The following RBFOX1 variants were observed in gnomAD, a reference collection of about 807,000 sequenced individuals.
The protein encoded by RBFOX1 is RNA binding protein fox-1 homolog 1.
A neutral mutation model predicts 57.7 loss-of-function variants in RBFOX1; 8 were observed. That is an observed-to-expected ratio of 0.14 (90% CI 0.08 to 0.25). The LOEUF (loss-of-function observed/expected upper bound fraction) is 0.25. Ranked by LOEUF, RBFOX1 falls within the 10% of genes least tolerant of loss-of-function variation. RBFOX1 has a pLI of 1.00. For synonymous variants in RBFOX1, 326 were observed against 222.4 expected, an observed-to-expected ratio of 1.47 and a Z score of -4.15; for missense variants, 611 against 548.5, an observed-to-expected ratio of 1.11 and a Z score of -1.14.
intron 3 of RBFOX1, among the ~76,000 whole-genome samples, chr16:5,694,687 G>T (rs1007463574): frequency 1.7e-4 from 26 of 151,910 alleles, no homozygotes; most frequent in Admixed American, 1.6e-3. Flanking sequence ...CTCTTAGGGA[G>T]ACTGGCCCTG....
intron 3 of RBFOX1, among the ~76,000 whole-genome samples, chr16:6,724,807 A>G (rs1408863498): frequency 6.6e-6 from 1 of 152,092 alleles, no homozygotes; most frequent in Non-Finnish European, 1.5e-5. Flanking sequence ...AATGTGTACC[A>G]TTGTGATTTG....
In RBFOX1 at chr16:6,627,045, G is replaced by T. The variant is rs145042723; in HGVS notation, c.-63-27558G>T. ...GCCGAAGGCTACCCATCTGCCTTCT[G>T]AAAGAACCAGGGTTCTAGTCCTGGC... On this transcript the variant is annotated intron_variant, in intron 2 of 15. Transcript: ENST00000550418. Among the ~76,000 whole-genome samples the T allele has an allele frequency of 5.6e-3, 854 of 152,322 alleles. 3 individuals are homozygous for T. The highest frequency in any genetic ancestry group is 9.1e-3 in the Non-Finnish European group (621 of 68,018).
At chr16:7,191,477 A>G (rs1461850102) in intron 4 of RBFOX1, among the ~76,000 whole-genome samples, 3 of 152,234 alleles carry the variant, frequency 2.0e-5, no homozygotes, top group East Asian at 1.9e-4. Flanking sequence ...AGTGGAATGT[A>G]AAGATGAAGC....
At chr16:5,559,776 G>C (rs2045824882) in intron 2 of RBFOX1, among the ~76,000 whole-genome samples, 1 of 152,116 alleles carries the variant, frequency 6.6e-6, no homozygotes, top group African/African-American at 2.4e-5. Flanking sequence ...CCCTCATCTT[G>C]CTTTTAACAT....
intron 2 of RBFOX1, among the ~76,000 whole-genome samples, chr16:6,442,660 G>A (rs367761482): frequency 2.0e-5 from 3 of 151,960 alleles, no homozygotes; most frequent in East Asian, 3.9e-4. Flanking sequence ...TGCAGAAGTC[G>A]CCAGAAACAA....
chr16:7,009,641 C>T (rs547156202), intron 3 of RBFOX1, among the ~76,000 whole-genome samples: 44 of 152,188 alleles, frequency 2.9e-4, no homozygotes, highest in African/African-American at 8.9e-4. Flanking sequence ...GGAATTCTAC[C>T]GTCTGGGCAC....
At chr16:6,529,632 A>G (rs2096629218) in intron 2 of RBFOX1, among the ~76,000 whole-genome samples, 1 of 151,910 alleles carries the variant, frequency 6.6e-6, no homozygotes, top group African/African-American at 2.4e-5. Flanking sequence ...GTTTTCACTG[A>G]TAGCACAGCT....
At chr16:7,590,868 A>C (rs1344024274) in intron 7 of RBFOX1, among the ~76,000 whole-genome samples, 3 of 147,462 alleles carry the variant, frequency 2.0e-5, no homozygotes, top group Non-Finnish European at 4.6e-5. Context: ...TCTAAGAAAA[A>C]AAAAAAAAAA....
chr16:6,764,774 C>G lies in RBFOX1; in HGVS notation c.-16+110124C>G, dbSNP rs984668819. 9.9e-5 allele frequency among the ~76,000 whole-genome samples: 15 copies of G among 151,656 alleles called. 1 individual carries two copies. The highest frequency in any genetic ancestry group is 5.9e-5 in the Non-Finnish European group (4 of 67,924). On this transcript the variant is annotated intron_variant, in intron 3 of 15. Transcript: ENST00000550418. Reference sequence around the variant, plus strand: ...CAACATGGTGAAACCCTGTCTCTACCAAAAATATAAAAATTAGCTAGGCAT... The same window carrying G: ...CAACATGGTGAAACCCTGTCTCTACGAAAAATATAAAAATTAGCTAGGCAT...
chr16:6,158,390 A>G (rs1597889390), intron 1 of RBFOX1, among the ~76,000 whole-genome samples: 1 of 152,146 alleles, frequency 6.6e-6, no homozygotes. Context: ...TAGTGAAGGA[A>G]ATAATGGCAG....
chr16:7,038,676 G>A (rs568539202), intron 3 of RBFOX1, among the ~76,000 whole-genome samples: 51 of 152,248 alleles, frequency 3.3e-4, no homozygotes, highest in South Asian at 6.2e-4. Flanking sequence ...CCACGAGACT[G>A]CATTCTTGCA....
At chr16:6,098,343 C>T (rs946292685) in intron 1 of RBFOX1, among the ~76,000 whole-genome samples, 1 of 152,192 alleles carries the variant, frequency 6.6e-6, no homozygotes, top group Non-Finnish European at 1.5e-5. Context: ...AAACCCCTCT[C>T]CTCTGGCTCC....
chr16:5,354,742 G>A (rs1304877523), intron 1 of RBFOX1, among the ~76,000 whole-genome samples: 1 of 152,162 alleles, frequency 6.6e-6, no homozygotes, highest in Admixed American at 6.5e-5. Context: ...CGTTCACGCA[G>A]CATTATTCAT....
Position 7,313,709 on chromosome 16 carries a change from C to T in RBFOX1, c.28-204438C>T, listed in dbSNP as rs573088561. On this transcript the variant is annotated intron_variant, in intron 4 of 15. Coordinates refer to ENST00000550418, the MANE Select transcript of RBFOX1 (RefSeq NM_018723.4). ...ACATGGATTATCACATTTAATCCCCCACAAAAAAAGCCTCCAGGGAGTTGA... is the reference window on the plus strand; with the variant it reads ...ACATGGATTATCACATTTAATCCCCTACAAAAAAAGCCTCCAGGGAGTTGA... Among the ~76,000 whole-genome samples, 4 of 63,104 alleles carry T rather than the reference C, an allele frequency of 6.3e-5. No homozygotes were observed. In the East Asian group the frequency reaches 4.8e-3, roughly 76 times the overall value. 41.4% of individuals were successfully genotyped at this position (63,104 alleles called of 152,430 possible).
At chr16:7,612,638 G>C (rs184787905) in intron 10 of RBFOX1, among the ~76,000 whole-genome samples, 10 of 152,008 alleles carry the variant, frequency 6.6e-5, no homozygotes, top group Middle Eastern at 3.4e-3. Flanking sequence ...TTTAAAAGCA[G>C]TATCTTCTAG....
At chr16:6,926,753 G>C (rs959262737) in intron 3 of RBFOX1, among the ~76,000 whole-genome samples, 9 of 152,170 alleles carry the variant, frequency 5.9e-5, no homozygotes, top group African/African-American at 2.2e-4. Context: ...ACTTCTTGGA[G>C]ACTGAACTTT....
At chr16:7,680,180 G>C (rs976636773) in intron 14 of RBFOX1, among the ~76,000 whole-genome samples, 1 of 152,146 alleles carries the variant, frequency 6.6e-6, no homozygotes, top group African/African-American at 2.4e-5. Context: ...CTTGAATTAA[G>C]CCTGGGGGCA....
At chr16:5,355,604 C>G (rs2065367972) in intron 1 of RBFOX1, among the ~76,000 whole-genome samples, 1 of 152,164 alleles carries the variant, frequency 6.6e-6, no homozygotes, top group African/African-American at 2.4e-5. Flanking sequence ...ATTAGGAAGA[C>G]AGAAGGAGCT....
At chr16:6,738,496 C>T (rs1285306265) in intron 3 of RBFOX1, among the ~76,000 whole-genome samples, 2 of 152,118 alleles carry the variant, frequency 1.3e-5, no homozygotes, top group African/African-American at 2.4e-5. Context: ...GAAGCAAAAA[C>T]ATGTAGAACA....
Sources: gnomAD v4.1 joint callset for allele counts (sites outside exome capture counted in the v4.1 genomes callset) on GRCh38, gnomAD v4.1.1 for gene constraint, MANE v1.5 for transcripts, NCBI Gene and HGNC (gene_info 2026-07-23, HGNC 2026-07-21) for gene names.